The following KIAA1217 variants were observed in gnomAD, a reference collection of about 807,000 sequenced individuals.
KIAA1217 encodes the protein sickle tail protein homolog.
KIAA1217 carries 88 observed loss-of-function variants against 163.9 expected under a neutral mutation model. That is an observed-to-expected ratio of 0.54 (90% CI 0.45 to 0.64). KIAA1217 has a LOEUF of 0.64. Ranked by LOEUF, KIAA1217 falls within the 30% of genes least tolerant of loss-of-function variation. The pLI is 0.00. For synonymous variants in KIAA1217, 903 were observed against 923.1 expected, an observed-to-expected ratio of 0.98 and a Z score of 0.39; for missense variants, 2,372 against 2,475.0, an observed-to-expected ratio of 0.96 and a Z score of 0.88.
chr10:24,529,798 A>T (rs1021848917), intron 14 of KIAA1217, among the ~76,000 whole-genome samples: 14 of 132,146 alleles, frequency 1.1e-4, no homozygotes, highest in African/African-American at 2.0e-4. Context: ...AGCTCATCAC[A>T]TTTTTTTTTT....
chr10:24,527,885 G>A, intron 13 of KIAA1217, 51 bp from the exon 14 acceptor site: 5 of 1,459,990 alleles, frequency 3.4e-6, no homozygotes, highest in Non-Finnish European at 1.9e-6. Flanking sequence ...AGTGTCCGTT[G>A]TTCTCCTCTA....
chr10:23,709,317 T>A (rs1837082726), intron 1 of KIAA1217, among the ~76,000 whole-genome samples: 2 of 152,016 alleles, frequency 1.3e-5, no homozygotes, highest in African/African-American at 4.8e-5. Flanking sequence ...TGAGTCTAGG[T>A]GTTTAAGACC....
intron 2 of KIAA1217, among the ~76,000 whole-genome samples, chr10:24,289,092 C>T (rs1168930587): frequency 6.6e-6 from 1 of 152,026 alleles, no homozygotes; most frequent in African/African-American, 2.4e-5. Flanking sequence ...TCATCCTATG[C>T]CAAGTTTATA....
At chr10:24,278,078 C>T (rs1014105412) in intron 2 of KIAA1217, among the ~76,000 whole-genome samples, 2 of 152,182 alleles carry the variant, frequency 1.3e-5, no homozygotes, top group Non-Finnish European at 1.5e-5. Flanking sequence ...AGTGTGATGA[C>T]GCCACCTCTT....
chr10:23,824,648 AAAT>A (rs199553173), intron 1 of KIAA1217, among the ~76,000 whole-genome samples: 1,386 of 83,998 alleles, frequency 0.017, 36 homozygotes, highest in African/African-American at 0.043. Context: ...AAAAAAAAAA[AAAT>A]AAAAAAAATA....
chr10:24,294,205 A>G (rs1189338719), intron 2 of KIAA1217, among the ~76,000 whole-genome samples: 1 of 151,154 alleles, frequency 6.6e-6, no homozygotes, highest in African/African-American at 2.4e-5. Flanking sequence ...AAAAAAAAAA[A>G]AAAAAAAAGA....
intron 1 of KIAA1217, among the ~76,000 whole-genome samples, chr10:23,762,872 C>A (rs1265131807): frequency 1.3e-5 from 2 of 152,168 alleles, no homozygotes; most frequent in Non-Finnish European, 2.9e-5. Context: ...AAAACCCCAT[C>A]ATCTCAGCCC....
intron 1 of KIAA1217, among the ~76,000 whole-genome samples, chr10:23,830,666 ATAGGTAGGTAGGTAGG>A (rs143607296): frequency 4.7e-5 from 7 of 147,870 alleles, no homozygotes; most frequent in Admixed American, 6.8e-5. Context: ...ATGAGAAATC[ATAGGTAGGTAGGTAGG>A]TAGGTAGGTA....
chr10:23,828,381 A>T (rs1468874217), intron 1 of KIAA1217, among the ~76,000 whole-genome samples: 1 of 152,090 alleles, frequency 6.6e-6, no homozygotes, highest in East Asian at 1.9e-4. Flanking sequence ...AAGGAGGCAG[A>T]GTCTGGTTTG....
intron 2 of KIAA1217, among the ~76,000 whole-genome samples, chr10:24,306,814 T>G (rs371114497): frequency 1.3e-5 from 2 of 152,372 alleles, no homozygotes; most frequent in African/African-American, 4.8e-5. Context: ...TGGAATGTGA[T>G]GTTTCTGTTC....
intron 1 of KIAA1217, among the ~76,000 whole-genome samples, chr10:23,947,802 G>T (rs1844124169): frequency 6.6e-6 from 1 of 151,982 alleles, no homozygotes; most frequent in Non-Finnish European, 1.5e-5. Context: ...AGTAAACAAG[G>T]TAAGTACATA....
intron 1 of KIAA1217, among the ~76,000 whole-genome samples, chr10:23,931,464 C>A (rs1421242914): frequency 3.3e-5 from 5 of 152,086 alleles, no homozygotes; most frequent in African/African-American, 1.2e-4. Flanking sequence ...CTAACATTTA[C>A]CTACACCCTG....
At position 23,893,655 on chromosome 10, in the gene KIAA1217, T is replaced by G. The variant is rs10466088; in HGVS notation, c.-320-113570T>G. On this transcript the variant is annotated intron_variant, in intron 1 of 18. Coordinates refer to the KIAA1217 transcript ENST00000376462. ...GTGCTATAAATTTCCCTCTACACAC[T>G]GCTTTGAAAAGACAGGCAGAGACGC... is the stretch of plus-strand genomic sequence containing the variant. Among the ~76,000 whole-genome samples the G allele has an allele frequency of 8.7e-3, 1,328 of 152,050 alleles. 24 individuals are homozygous for G. Among genetic ancestry groups the G allele is most frequent in the African/African-American group, 0.031 (1,275 of 41,518 alleles).
intron 2 of KIAA1217, among the ~76,000 whole-genome samples, chr10:24,159,525 A>G (rs543483619): frequency 6.6e-6 from 1 of 152,240 alleles, no homozygotes; most frequent in East Asian, 1.9e-4. Context: ...CATGCCTGTA[A>G]TCCCAGCACT....
At chr10:23,762,962 A>G (rs1300457606) in intron 1 of KIAA1217, among the ~76,000 whole-genome samples, 1 of 152,166 alleles carries the variant, frequency 6.6e-6, no homozygotes, top group African/African-American at 2.4e-5. Context: ...AAGCATTCCT[A>G]TACACCAATA....
In KIAA1217 at chr10:24,090,335, T is replaced by TTTG. The variant is rs1239581990; in HGVS notation, c.-171+82963_-171+82964insGTT. Among the ~76,000 whole-genome samples, 17 of 111,576 alleles carry TTTG rather than the reference T, an allele frequency of 1.5e-4. 1 individual carries two copies. The highest frequency in any genetic ancestry group is 2.6e-4 in the Non-Finnish European group (15 of 58,370). The allele number at this position is 111,576 out of a possible 152,430, so 73.2% of individuals were successfully genotyped here. On this transcript the variant is annotated intron_variant, in intron 2 of 18. Coordinates refer to the KIAA1217 transcript ENST00000376462. ...GCATGCACCCTCACATCCTGCTCTTTTTTTTTTTTTTTTTTTTTTTTTTTT... is the reference window on the plus strand; with the variant it reads ...GCATGCACCCTCACATCCTGCTCTTTTTGTTTTTTTTTTTTTTTTTTTTTTTTT...
intron 16 of KIAA1217, among the ~76,000 whole-genome samples, chr10:24,534,006 G>C (rs1028912928): frequency 6.6e-6 from 1 of 152,094 alleles, no homozygotes; most frequent in African/African-American, 2.4e-5. Context: ...TTTGCCTCAT[G>C]CTTCTTATAG....
intron 2 of KIAA1217, among the ~76,000 whole-genome samples, chr10:24,112,554 T>C (rs1189205535): frequency 6.6e-6 from 1 of 152,120 alleles, no homozygotes; most frequent in Non-Finnish European, 1.5e-5. Flanking sequence ...GGGTTGGCCC[T>C]AACTCCAATG....
intron 6 of KIAA1217, among the ~76,000 whole-genome samples, chr10:24,474,943 G>C (rs2063848009): frequency 6.6e-6 from 1 of 152,258 alleles, no homozygotes; most frequent in African/African-American, 2.4e-5. Context: ...TCCAGGCCAA[G>C]TGCAGTGGCT....
Sources: allele counts gnomAD v4.1 joint callset (sites outside exome capture counted in the v4.1 genomes callset), GRCh38; gene constraint gnomAD v4.1.1; transcripts MANE v1.5; gene names NCBI Gene and HGNC (gene_info 2026-07-23, HGNC 2026-07-21).